Variants in TMPRSS2 observed in about 807,000 individuals in gnomAD.
The protein encoded by TMPRSS2 is transmembrane protease serine 2.
A neutral mutation model predicts 67.4 loss-of-function variants in TMPRSS2; 59 were observed. That is an observed-to-expected ratio of 0.88 (90% CI 0.71 to 1.09). The LOEUF (loss-of-function observed/expected upper bound fraction) is 1.09, where lower values mean the gene tolerates loss of function less well. Ranked by LOEUF, TMPRSS2 falls within the 50% of genes least tolerant of loss-of-function variation. TMPRSS2 has a pLI of 0.00. For synonymous variants in TMPRSS2, 257 were observed against 257.0 expected (o/e 1.00, Z 0.00); for missense variants, 668 against 642.7 (o/e 1.04, Z -0.43).
Position 41,473,430 on chromosome 21 carries a change from C to G in TMPRSS2, c.794G>C (p.Gly265Ala), listed in dbSNP as rs1467695759. The G allele has an allele frequency of 1.2e-6, 2 of 1,610,190 alleles. No homozygotes were observed. Among genetic ancestry groups the G allele is most frequent in the African/African-American group, 2.7e-5 (2 of 74,902 alleles). ...RIVGGESALP[G>A]AWPWQVSLHV... is the part of the protein sequence containing the mutation. ...CAGGCTGACCTGCCAGGGCCAGGCCCCCGGGAGCGCGCTCTCGCCGCCCAC... is the reference window on the plus strand; with the variant it reads ...CAGGCTGACCTGCCAGGGCCAGGCCGCCGGGAGCGCGCTCTCGCCGCCCAC... The change falls in exon 9 of 14, where the codon GGG becomes GCG. Residue 265 changes from glycine to alanine, a missense_variant. Physicochemically the swap from Gly to Ala is moderately conservative, Grantham distance 60. Transcript: ENST00000332149.
Position 41,464,478 on chromosome 21 carries a change from C to T in TMPRSS2, c.*1664G>A, listed in dbSNP as rs1228306653. On this transcript the variant is annotated 3_prime_UTR_variant, in exon 14 of 14. Transcript: ENST00000332149. Reference sequence around the variant, plus strand: ...TCACCTTTGGTCCTCTGACCAGCAGCCTCAACATCACCCCCTTATAAGGAA... The same window carrying T: ...TCACCTTTGGTCCTCTGACCAGCAGTCTCAACATCACCCCCTTATAAGGAA... 1.0e-5 allele frequency: 2 copies of T among 194,648 alleles called. No homozygotes were observed. Among genetic ancestry groups the T allele is most frequent in the African/African-American group, 4.6e-5 (2 of 43,166 alleles). 12.1% of individuals were successfully genotyped at this position (194,648 alleles called of 1,614,324 possible).
In TMPRSS2 at chr21:41,480,955, G is replaced by A. The variant is rs181107522; in HGVS notation, c.446-353C>T. Among the ~76,000 whole-genome samples, 201 of 152,086 alleles carry A rather than the reference G, an allele frequency of 1.3e-3. 2 individuals are homozygous for A. The highest frequency in any genetic ancestry group is 4.3e-3 in the African/African-American group (177 of 41,504). On this transcript the variant is annotated intron_variant, in intron 5 of 13. Coordinates refer to ENST00000332149, the MANE Select transcript of TMPRSS2 (RefSeq NM_005656.4). ...ACCTGGCCTTGTCCCAACTTGTATC[G>A]TCCTAGCTGCTACCCAAGCCCCGCG...
intron 5 of TMPRSS2, among the ~76,000 whole-genome samples, chr21:41,483,256 T>A (rs540843636): frequency 6.6e-6 from 1 of 152,228 alleles, no homozygotes; most frequent in East Asian, 1.9e-4. Flanking sequence ...AAATATAAAG[T>A]CTGTTCACTT....
At chr21:41,503,334 C>CCA (rs2091436400) in intron 1 of TMPRSS2, among the ~76,000 whole-genome samples, 1 of 152,146 alleles carries the variant, frequency 6.6e-6, no homozygotes, top group Admixed American at 6.6e-5. Flanking sequence ...GACTTCAACA[C>CCA]CACACACAAG....
intron 1 of TMPRSS2, chr21:41,502,703 T>G (rs1389900456): frequency 2.2e-6 from 1 of 453,104 alleles, no homozygotes; most frequent in African/African-American, 2.1e-5. Context: ...TGTTTATGTA[T>G]AATCAGGTAA....
rs186734573 is a variant in TMPRSS2, at chr21:41,480,438, C to T, written c.572+38G>A. 2.4e-3 allele frequency: 3,833 copies of T among 1,607,018 alleles called. 24 individuals carry two copies. The highest frequency in any genetic ancestry group is 2.4e-3 in the Non-Finnish European group (2,856 of 1,175,744). On this transcript the variant is annotated intron_variant, in intron 6 of 13. Transcript: ENST00000332149. ...GAGGGTCTTCTCGTGTTTCTGCTGT[C>T]TGTTACTGTCACTCGGCGGGTGCTG...
At chr21:41,467,971 G>C in intron 12 of TMPRSS2, 85 bp from the exon 13 acceptor site, 1 of 1,504,582 alleles carries the variant, frequency 6.6e-7, no homozygotes, top group Non-Finnish European at 9.1e-7. Flanking sequence ...GGAGTTGGGG[G>C]GCGGGGGTCG....
At chr21:41,481,146 C>A (rs1450409387) in intron 5 of TMPRSS2, among the ~76,000 whole-genome samples, 1 of 152,204 alleles carries the variant, frequency 6.6e-6, no homozygotes, top group East Asian at 1.9e-4. Flanking sequence ...TTCACTGCAA[C>A]CCTCTTAAAA....
chr21:41,485,997 A>G (rs1601579697), intron 5 of TMPRSS2, among the ~76,000 whole-genome samples: 1 of 152,068 alleles, frequency 6.6e-6, no homozygotes, highest in Non-Finnish European at 1.5e-5. Context: ...CCCTTAGGAG[A>G]GGGGGGATTA....
rs556966925 is a variant in TMPRSS2 at position 41,495,247 on chromosome 21, T to C, written c.16-669A>G. On this transcript the variant is annotated intron_variant, in intron 2 of 13. Coordinates refer to ENST00000332149, the MANE Select transcript of TMPRSS2 (RefSeq NM_005656.4). The stretch of plus-strand genomic sequence containing the variant: ...TCTTTTTTTCTTACATGTCTATTTA[T>C]TAAACAGGAGTTCCTTCATGACAAT... Among the ~76,000 whole-genome samples the C allele has an allele frequency of 1.3e-3, 201 of 152,326 alleles. 1 individual carries two copies. The highest frequency in any genetic ancestry group is 4.6e-3 in the African/African-American group (190 of 41,560).
intron 2 of TMPRSS2, among the ~76,000 whole-genome samples, chr21:41,496,829 CTTTTTTTTTTT>C (rs66730350): frequency 1.5e-5 from 1 of 68,514 alleles, no homozygotes; most frequent in Non-Finnish European, 2.6e-5. Flanking sequence ...TCTCTCTCTC[CTTTTTTTTTTT>C]TTTTTTTTTT....
At position 41,489,596 on chromosome 21, in the gene TMPRSS2, GGAA is replaced by G. The variant is rs751819646; in HGVS notation, c.239-6_239-4del. On this transcript the variant is annotated splice_polypyrimidine_tract_variant and splice_region_variant and intron_variant, in intron 3 of 13. Coordinates refer to ENST00000332149, the MANE Select transcript of TMPRSS2 (RefSeq NM_005656.4). ...GATGCACAGTGCTTTCTTAGTCTCT[GGAA>G]GAAGGAGGAGAGTGCAACGTTCAGA... The G allele has an allele frequency of 1.9e-6, 3 of 1,611,946 alleles. No homozygotes were observed. Among genetic ancestry groups the G allele is most frequent in the Admixed American group, 1.7e-5 (1 of 59,964 alleles).
chr21:41,475,533 A>G (rs1601570040), intron 8 of TMPRSS2, among the ~76,000 whole-genome samples: 1 of 29,418 alleles, frequency 3.4e-5, no homozygotes, highest in African/African-American at 1.8e-4. Flanking sequence ...TGAGGGGGTG[A>G]AGGGTGAGTG....
At chr21:41,498,002 T>G in intron 2 of TMPRSS2, 117 bp downstream of exon 2, 2 of 745,276 alleles carry the variant, frequency 2.7e-6, no homozygotes, top group South Asian at 3.5e-5. Flanking sequence ...AGCATCAGCG[T>G]GGCCCGGCGT....
chr21:41,507,270 A>T (rs968128742), intron 1 of TMPRSS2, among the ~76,000 whole-genome samples: 5 of 152,122 alleles, frequency 3.3e-5, no homozygotes, highest in Non-Finnish European at 5.9e-5. Context: ...GCAGGACAGG[A>T]TGAGGTGGAC....
Position 41,465,836 on chromosome 21 carries a change from G to C in TMPRSS2, c.*306C>G. On this transcript the variant is annotated 3_prime_UTR_variant, in exon 14 of 14. Coordinates refer to ENST00000332149, the MANE Select transcript of TMPRSS2 (RefSeq NM_005656.4). Reference sequence around the variant, plus strand: ...CCATGCTCATCCAAAATTGGCCCCTGGAAAGGACTCAGCAGGAAGATCTCA... The same window carrying C: ...CCATGCTCATCCAAAATTGGCCCCTCGAAAGGACTCAGCAGGAAGATCTCA... 2.4e-6 allele frequency: 1 copy of C among 424,388 alleles called. No homozygotes were observed. The highest frequency in any genetic ancestry group is 4.2e-6 in the Non-Finnish European group (1 of 238,108). 26.3% of individuals were successfully genotyped at this position (424,388 alleles called of 1,614,324 possible). A position where few individuals can be genotyped will look rare whatever the true frequency, so the allele number is the denominator to read the frequency against.
chr21:41,506,227 G>C (rs753670644), intron 1 of TMPRSS2, among the ~76,000 whole-genome samples: 12 of 152,222 alleles, frequency 7.9e-5, no homozygotes, highest in Non-Finnish European at 1.5e-4. Flanking sequence ...GGTTGTCCTT[G>C]GCTGGTGGGA....
intron 11 of TMPRSS2, among the ~76,000 whole-genome samples, chr21:41,469,112 AC>A (rs1196319908): frequency 6.6e-6 from 1 of 151,812 alleles, no homozygotes; most frequent in African/African-American, 2.4e-5. Flanking sequence ...CCTCCGTCAC[AC>A]CTTCTCCCAC....
At position 41,488,985 on chromosome 21, in the gene TMPRSS2, A is replaced by G. The variant is rs541200538; in HGVS notation, c.326-472T>C. 5.9e-5 allele frequency among the ~76,000 whole-genome samples: 9 copies of G among 152,308 alleles called. No homozygotes were observed. In the East Asian group the frequency reaches 9.7e-4, roughly 16 times the overall value. ...GAGGAGAAGTGTCCTTGCCACCAGC[A>G]AGTATAAGTGGAATTAGCACTGGGG... On this transcript the variant is annotated intron_variant, in intron 4 of 13. Transcript: ENST00000332149.
Sources: allele counts gnomAD v4.1 joint callset (sites outside exome capture counted in the v4.1 genomes callset), GRCh38; gene constraint gnomAD v4.1.1; transcripts MANE v1.5; gene names NCBI Gene and HGNC (gene_info 2026-07-23, HGNC 2026-07-21).